Variants in DLG3 observed in about 807,000 individuals in gnomAD.
DLG3 encodes disks large homolog 3.
A neutral mutation model predicts 64.1 loss-of-function variants in DLG3; 1 was observed. The ratio of observed to expected loss-of-function variants is 0.02; its 90% CI spans 0.01 to 0.07. DLG3 has a LOEUF of 0.07. DLG3 is among the 10% of genes least tolerant of loss of function. The pLI, the probability that DLG3 is intolerant of heterozygous loss-of-function variation, is 1.00. For synonymous variants in DLG3, 245 were observed against 259.8 expected, an observed-to-expected ratio of 0.94 and a Z score of 0.55; for missense variants, 429 against 669.5, an observed-to-expected ratio of 0.64 and a Z score of 3.96.
intron 9 of DLG3, among the ~76,000 whole-genome samples, chrX:70,467,335 C>T (rs779910676): frequency 8.9e-6 from 1 of 111,934 alleles, no homozygotes; most frequent in African/African-American, 3.2e-5. Context: ...TTAGATAATC[C>T]ATCATTTCTC....
chrX:70,499,797 G>A (rs2087522890), intron 15 of DLG3, 80 bp from the exon 16 acceptor site: 6 of 1,059,008 alleles, frequency 5.7e-6, no homozygotes, highest in Non-Finnish European at 7.7e-6. Flanking sequence ...CCACCCAGAT[G>A]AGAATGGACC....
Position 70,445,123 on chromosome X carries a change from CGGCGGCGGTGGT to C in DLG3, c.-67_-56del, listed in dbSNP as rs1404498091. ...AGTGTGCCAGGGAGCCCGGCGGCGG[CGGCGGCGGTGGT>C]GGCGGCGGTGGCGGCGGCGTGGAAT... is the stretch of plus-strand genomic sequence containing the variant. On this transcript the variant is annotated 5_prime_UTR_variant, in exon 1 of 19. Transcript: ENST00000374360. 3.6e-5 allele frequency: 30 copies of C among 822,639 alleles called. No individual in the cohort carries two copies. The Admixed American group carries it at 3.8e-4, about 10-fold the overall frequency. 67.8% of individuals were successfully genotyped at this position (822,639 alleles called of 1,213,427 possible).
At chrX:70,493,596 C>A in intron 12 of DLG3, 1 of 580,082 alleles carries the variant, frequency 1.7e-6, no homozygotes, top group African/African-American at 2.2e-5. Context: ...TGCCTGTGTG[C>A]GTGTGCACCT....
chrX:70,497,143 T>C (rs1335250978), intron 13 of DLG3: 1 of 1,185,984 alleles, frequency 8.4e-7, no homozygotes, highest in East Asian at 3.0e-5. Context: ...CTCAGTGGTG[T>C]GTTCTGAATT....
chrX:70,465,727 G>A, intron 9 of DLG3, among the ~76,000 whole-genome samples: 1 of 111,502 alleles, frequency 9.0e-6, no homozygotes, highest in East Asian at 2.8e-4. Flanking sequence ...TTAAGAAGGA[G>A]ATTATTGGCT....
At chrX:70,495,264 G>A (rs1231788186) in intron 12 of DLG3, 144 bp from the exon 13 acceptor site, 3 of 545,656 alleles carry the variant, frequency 5.5e-6, no homozygotes, top group Non-Finnish European at 9.7e-6. Context: ...ACCTACCTCT[G>A]TATTCTTCCT....
chrX:70,496,963 T>C (rs757609628), intron 13 of DLG3, among the ~76,000 whole-genome samples: 1 of 112,387 alleles, frequency 8.9e-6, no homozygotes, highest in African/African-American at 3.2e-5. Context: ...GGGAGGGACT[T>C]GGCAGACCAA....
At chrX:70,483,113 T>TTAAAAAG (rs1375233495) in intron 10 of DLG3, among the ~76,000 whole-genome samples, 1 of 110,533 alleles carries the variant, frequency 9.0e-6, no homozygotes, top group Non-Finnish European at 1.9e-5. Flanking sequence ...AGCCCCACTC[T>TTAAAAAG]TAAAAAGTAA....
In DLG3 at chrX:70,503,649, C is replaced by T. The variant is rs1466972790; in HGVS notation, c.*1380C>T. The T allele has an allele frequency of 9.0e-6, 1 of 111,229 alleles. No individual in the cohort carries two copies. The highest frequency in any genetic ancestry group is 1.9e-5 in the Non-Finnish European group (1 of 52,939). The allele number at this position is 111,229 out of a possible 1,213,427, so 9.2% of individuals were successfully genotyped here. On this transcript the variant is annotated 3_prime_UTR_variant, in exon 19 of 19. Transcript: ENST00000374360. ...ATGCTCTGCTCCAGCCCCTCCCCAA[C>T]AGCTGGTAGCTTATGGTTTCTTCAA...
At chrX:70,498,016 C>A (rs1440900826) in intron 13 of DLG3, among the ~76,000 whole-genome samples, 1 of 111,684 alleles carries the variant, frequency 9.0e-6, no homozygotes, top group Non-Finnish European at 1.9e-5. Context: ...TTAGCAGAGC[C>A]ATGTGCCACT....
intron 10 of DLG3, among the ~76,000 whole-genome samples, chrX:70,480,385 G>A (rs1351008103): frequency 1.8e-5 from 2 of 111,404 alleles, no homozygotes; most frequent in African/African-American, 6.5e-5. Flanking sequence ...TGACTCTACC[G>A]CAGGGAGTGG....
chrX:70,448,200 G>T (rs1028358363), intron 1 of DLG3, among the ~76,000 whole-genome samples: 1 of 112,326 alleles, frequency 8.9e-6, no homozygotes, highest in African/African-American at 3.2e-5. Context: ...CTCCAAAGTG[G>T]GGCAACTGTC....
intron 10 of DLG3, among the ~76,000 whole-genome samples, chrX:70,489,656 CA>C (rs1382023983): frequency 9.0e-6 from 1 of 111,561 alleles, no homozygotes; most frequent in African/African-American, 3.3e-5. Context: ...TAAAAAATTA[CA>C]AACAGTTGGA....
chrX:70,452,250 T>C, intron 7 of DLG3: 1 of 1,070,787 alleles, frequency 9.3e-7, no homozygotes, highest in Non-Finnish European at 1.2e-6. Context: ...GAGTGCCGAG[T>C]GAGTGGCCCC....
chrX:70,455,090 C>T (rs765405171), intron 9 of DLG3: 1 of 734,821 alleles, frequency 1.4e-6, no homozygotes, highest in Admixed American at 8.8e-5. Flanking sequence ...GGCGCCCCTC[C>T]TTCCCCCCAT....
At chrX:70,462,040 T>TCCCCCCCCCCCC (rs540004723) in intron 9 of DLG3, among the ~76,000 whole-genome samples, 7 of 76,970 alleles carry the variant, frequency 9.1e-5, no homozygotes, top group African/African-American at 1.9e-4. Context: ...TCACTCCTCA[T>TCCCCCCCCCCCC]CCCCCCCCCA....
chrX:70,500,946 C>A lies in DLG3; in HGVS notation c.2304C>A (p.Asp768Glu), dbSNP rs749113054. The A allele has an allele frequency of 3.9e-5, 47 of 1,201,659 alleles. No homozygotes were observed. Among genetic ancestry groups the A allele is most frequent in the Non-Finnish European group, 5.2e-5 (46 of 890,805 alleles). ...QTYEQANKIY[D>E]KAMKLEQEFG... ...ATGAACAAGCAAATAAGATCTATGACAAAGCCATGAAACTGGAGCAGGAAT... is the reference window on the plus strand; with the variant it reads ...ATGAACAAGCAAATAAGATCTATGAAAAAGCCATGAAACTGGAGCAGGAAT... Residue 768 changes from aspartate to glutamate, a missense_variant, in exon 18 of 19, where the codon GAC becomes GAA. Physicochemically the swap from Asp to Glu is conservative, Grantham distance 45. This residue lies in a region of DLG3 where 48 missense variants were observed against 69.5 expected (regional missense o/e 0.69). Transcript: ENST00000374360.
At chrX:70,461,716 A>G (rs1379998923) in intron 9 of DLG3, among the ~76,000 whole-genome samples, 1 of 109,993 alleles carries the variant, frequency 9.1e-6, no homozygotes, top group East Asian at 2.9e-4. Flanking sequence ...ACCCACCATC[A>G]TGCCCGGCTA....
At chrX:70,498,686 ATG>A in intron 14 of DLG3, 116 bp downstream of exon 14, 2 of 249,557 alleles carry the variant, frequency 8.0e-6, no homozygotes, top group African/African-American at 2.3e-4. Flanking sequence ...GGCTTGACTC[ATG>A]GCACATCCAG....
Sources: gnomAD v4.1 joint callset for allele counts (sites outside exome capture counted in the v4.1 genomes callset) on GRCh38, gnomAD v4.1.1 for gene constraint, gnomAD v4.1.1 regional missense constraint, MANE v1.5 for transcripts, NCBI Gene and HGNC (gene_info 2026-07-23, HGNC 2026-07-21) for gene names.